The following CCNJL variants were observed in gnomAD, a reference collection of about 807,000 sequenced individuals.
CCNJL encodes the protein cyclin-J-like protein.
In CCNJL, 33 loss-of-function variants were observed where a neutral mutation model predicts 33.4. The observed-to-expected ratio is 0.99, with a 90% CI of 0.75 to 1.32. The LOEUF (loss-of-function observed/expected upper bound fraction) is 1.32, where lower values mean the gene tolerates loss of function less well. Ranked by LOEUF, CCNJL falls within the 40% of genes most tolerant of loss-of-function variation. The pLI, the probability that CCNJL is intolerant of heterozygous loss-of-function variation, is 0.00. For synonymous variants in CCNJL, 227 were observed against 220.9 expected (o/e 1.03, Z -0.24); for missense variants, 512 against 499.7 (o/e 1.02, Z -0.23).
intron 4 of CCNJL, among the ~76,000 whole-genome samples, chr5:160,256,925 A>G (rs1447333947): frequency 6.6e-6 from 1 of 151,994 alleles, no homozygotes; most frequent in Non-Finnish European, 1.5e-5. Context: ...CTCAAAAAAA[A>G]AAAAATTTTT....
Position 160,259,505 on chromosome 5 carries a change from C to T in CCNJL, c.547G>A (p.Glu183Lys), listed in dbSNP as rs753925655. The change falls in exon 4 of 6, where the codon GAG (glutamate) becomes AAG (lysine). Residue 183 changes from glutamate (E) to lysine (K), a missense_variant. Glu to Lys is a moderately conservative substitution (Grantham distance 56). Coordinates refer to ENST00000257536, the MANE Select transcript of CCNJL (RefSeq NM_001308173.3). The stretch of plus-strand genomic sequence containing the variant: ...ACCTCTAGGAAGTAATGGGCATACT[C>T]CTTGAGGCACTCTTTGGTCTTGCGG... ...CPRKTKECLK[E>K]YAHYFLEVTL... 1.2e-6 allele frequency: 2 copies of T among 1,614,046 alleles called. 1 individual carries two copies. The highest frequency in any genetic ancestry group is 2.2e-5 in the South Asian group (2 of 91,060).
At chr5:160,278,346 G>C (rs1439498109) in intron 3 of CCNJL, among the ~76,000 whole-genome samples, 2 of 151,912 alleles carry the variant, frequency 1.3e-5, no homozygotes, top group East Asian at 3.9e-4. Context: ...ATTGACAGGT[G>C]GGGGGGCAAG....
chr5:160,259,520 T>A lies in CCNJL; in HGVS notation c.532A>T (p.Lys178Ter). ...TWPTTCPRKT[K>*]ECLKEYAHYF... ...TGGGCATACTCCTTGAGGCACTCTT[T>A]GGTCTTGCGGGGGCAGGTGGTGGGC... is the stretch of plus-strand genomic sequence containing the variant. Residue 178 changes from lysine to a stop codon, truncating the protein, a stop_gained, in exon 4 of 6, where the codon AAA becomes TAA. Transcript: ENST00000257536. LOFTEE classifies it high-confidence loss of function. 1 of 1,614,124 alleles carries A rather than the reference T, an allele frequency of 6.2e-7. No homozygotes were observed. Among genetic ancestry groups the A allele is most frequent in the Non-Finnish European group, 8.5e-7 (1 of 1,179,988 alleles).
At chr5:160,295,160 A>G (rs548137335) in intron 2 of CCNJL, among the ~76,000 whole-genome samples, 1 of 152,348 alleles carries the variant, frequency 6.6e-6, no homozygotes, top group East Asian at 1.9e-4. Context: ...TTCCCTGACA[A>G]TTCTTGTCTA....
chr5:160,297,002 T>C (rs889080), intron 2 of CCNJL, among the ~76,000 whole-genome samples: 15,670 of 152,164 alleles, frequency 0.1, 891 homozygotes, highest in South Asian at 0.2. Flanking sequence ...GGGATAAGTA[T>C]AGGACCTACT....
intron 2 of CCNJL, among the ~76,000 whole-genome samples, chr5:160,286,936 T>C (rs1453783531): frequency 6.6e-6 from 1 of 152,172 alleles, no homozygotes; most frequent in African/African-American, 2.4e-5. Context: ...TTTACTTATT[T>C]ATGTAGCTGG....
rs1554119622 is a variant in CCNJL at position 160,275,085 on chromosome 5, G to GTTT, written c.280+5437_280+5439dup. Among the ~76,000 whole-genome samples, 821 of 113,040 alleles carry GTTT rather than the reference G, an allele frequency of 7.3e-3. 5 individuals carry two copies. Among genetic ancestry groups the GTTT allele is most frequent in the African/African-American group, 0.028 (778 of 27,806 alleles). 74.2% of individuals were successfully genotyped at this position (113,040 alleles called of 152,430 possible). ...CATCTAGGTTTGGAAGGATTTGTGT[G>GTTT]TTTTTTTTTTTTTTTTTGAGACAGA... On this transcript the variant is annotated intron_variant, in intron 3 of 5. Transcript: ENST00000257536.
In CCNJL at chr5:160,280,611, TA is replaced by T. The variant is rs1762176234; in HGVS notation, c.193del (p.Tyr65ThrfsTer45). On this transcript the variant is annotated frameshift_variant, in exon 3 of 6. Coordinates refer to ENST00000257536, the MANE Select transcript of CCNJL (RefSeq NM_001308173.3). LOFTEE classifies it high-confidence loss of function. ...GCGATCCATGAAGTGGTCCAGCAGG[TA>T]GACGGCCAGGTGCCGGGCTGCAGGG... Reference protein sequence around the residue: ...LCPAARHLAVYLLDHFMDRYN... With the variant: ...LCPAARHLAVXLLDHFMDRYN... The T allele has an allele frequency of 6.2e-7, 1 of 1,613,400 alleles. No homozygotes were observed. The highest frequency in any genetic ancestry group is 8.5e-7 in the Non-Finnish European group (1 of 1,179,946).
At chr5:160,298,182 C>T (rs1452750480) in intron 2 of CCNJL, among the ~76,000 whole-genome samples, 15 of 152,136 alleles carry the variant, frequency 9.9e-5, no homozygotes, top group Non-Finnish European at 1.5e-5. Flanking sequence ...TTACTGGTAG[C>T]CATGCTACCT....
chr5:160,279,164 A>G (rs990670112), intron 3 of CCNJL, among the ~76,000 whole-genome samples: 15 of 152,246 alleles, frequency 9.9e-5, no homozygotes, highest in Non-Finnish European at 1.8e-4. Flanking sequence ...AAAAGCAGAC[A>G]AAGCTACAGG....
intron 1 of CCNJL, among the ~76,000 whole-genome samples, chr5:160,324,399 C>G (rs1445631172): frequency 6.6e-6 from 1 of 152,088 alleles, no homozygotes; most frequent in Admixed American, 6.6e-5. Flanking sequence ...ACAGTGAAAC[C>G]CTGTCTCTAT....
rs111387816 is a variant in CCNJL at position 160,318,311 on chromosome 5, C to T, written n.207-2806G>A. ...GAATTACAGGCGTGAGCCACCACGC[C>T]GGGCCATGTCTTCTTACAAGGACAC... On this transcript the variant is annotated intron_variant and non_coding_transcript_variant, in intron 1 of 7. Coordinates refer to the CCNJL transcript ENST00000377503. 6.9e-3 allele frequency among the ~76,000 whole-genome samples: 1,057 copies of T among 152,316 alleles called. 11 individuals carry two copies. Among genetic ancestry groups the T allele is most frequent in the Middle Eastern group, 0.017 (5 of 294 alleles).
intron 1 of CCNJL, among the ~76,000 whole-genome samples, chr5:160,336,947 T>G (rs2113486417): frequency 6.6e-6 from 1 of 151,774 alleles, no homozygotes; most frequent in East Asian, 1.9e-4. Flanking sequence ...CATCATCCCT[T>G]GCTGGGATTT....
chr5:160,289,324 T>C (rs541437777), intron 2 of CCNJL, among the ~76,000 whole-genome samples: 46 of 152,306 alleles, frequency 3.0e-4, no homozygotes, highest in African/African-American at 1.1e-3. Context: ...TAAGTACTAA[T>C]GAGTAGCTGC....
At chr5:160,254,072 A>C in intron 5 of CCNJL, 1 of 468,978 alleles carries the variant, frequency 2.1e-6, no homozygotes, top group South Asian at 5.0e-5. Context: ...ATGCTGCCCT[A>C]TCTCCACAGT....
At chr5:160,327,215 G>A (rs527689364) in intron 1 of CCNJL, among the ~76,000 whole-genome samples, 6 of 152,084 alleles carry the variant, frequency 3.9e-5, no homozygotes, top group African/African-American at 1.4e-4. Flanking sequence ...TTGTTTCCTC[G>A]TCTGAATATA....
intron 3 of CCNJL, among the ~76,000 whole-genome samples, chr5:160,280,208 T>C (rs965810130): frequency 2.6e-5 from 4 of 152,156 alleles, no homozygotes; most frequent in African/African-American, 9.7e-5. Context: ...GTCTGCCATA[T>C]ACTACCCGGG....
chr5:160,256,217 A>G (rs1561770034), intron 4 of CCNJL, among the ~76,000 whole-genome samples: 1 of 152,164 alleles, frequency 6.6e-6, no homozygotes, highest in East Asian at 1.9e-4. Flanking sequence ...AGCAGCCTAG[A>G]ACAGTGTTTT....
intron 3 of CCNJL, among the ~76,000 whole-genome samples, chr5:160,273,601 A>G (rs1221512041): frequency 3.3e-5 from 5 of 150,166 alleles, no homozygotes; most frequent in Admixed American, 6.6e-5. Flanking sequence ...TGGGACACAC[A>G]GCTCTGTGCG....
Sources: gnomAD v4.1 joint callset for allele counts (sites outside exome capture counted in the v4.1 genomes callset) on GRCh38, gnomAD v4.1.1 for gene constraint, MANE v1.5 for transcripts, NCBI Gene and HGNC (gene_info 2026-07-23, HGNC 2026-07-21) for gene names.